The following SNRNP200 variants were observed in gnomAD, a reference collection of about 807,000 sequenced individuals.
SNRNP200 encodes the protein small nuclear ribonucleoprotein U5 subunit 200.
A neutral mutation model predicts 255.2 loss-of-function variants in SNRNP200; 66 were observed. The ratio of observed to expected loss-of-function variants is 0.26; its 90% confidence interval spans 0.21 to 0.32. SNRNP200 has a LOEUF of 0.32. SNRNP200 is among the 10% of genes least tolerant of loss of function. The probability of loss-of-function intolerance (pLI) is 1.00; values close to 1 mark genes in which losing one functional copy is unlikely to be tolerated. For missense variants in SNRNP200, 1,585 were observed against 2,749.8 expected (o/e 0.58, Z 9.47); for synonymous variants, 939 against 1,027.8 (o/e 0.91, Z 1.65).
At position 96,290,117 on chromosome 2, in the gene SNRNP200, G is replaced by T; in HGVS notation, c.2743-121C>A. On this transcript the variant is annotated intron_variant, in intron 20 of 44. Coordinates refer to ENST00000323853, the MANE Select transcript of SNRNP200 (RefSeq NM_014014.5). This position sits in a 1 kb window ranked among gnomAD's most constrained non-coding sequence, Gnocchi z 4.5. Reference sequence around the variant, plus strand: ...AAGGATGCATATTACATCGTATTCTGAATGTTTTTAGCATTTCATTATTAA... The same window carrying T: ...AAGGATGCATATTACATCGTATTCTTAATGTTTTTAGCATTTCATTATTAA... 1 of 1,074,086 alleles carries T rather than the reference G, an allele frequency of 9.3e-7. No homozygotes were observed. The highest frequency in any genetic ancestry group is 1.4e-6 in the Non-Finnish European group (1 of 697,744). The allele number at this position is 1,074,086 out of a possible 1,614,324, so 66.5% of individuals were successfully genotyped here.
At chr2:96,293,213 C>T (rs1451268645) in intron 15 of SNRNP200, 103 bp downstream of exon 15, 34 of 1,570,840 alleles carry the variant, frequency 2.2e-5, no homozygotes, top group Non-Finnish European at 3.0e-5. Context: ...CACATCAAAA[C>T]CCAAAGGCCC....
intron 14 of SNRNP200, among the ~76,000 whole-genome samples, chr2:96,294,369 C>T (rs953410178): frequency 1.3e-4 from 20 of 151,824 alleles, no homozygotes; most frequent in African/African-American, 4.8e-4. Context: ...ACCCGGGAGG[C>T]GGAGGCTGTA....
rs1265659721 is a variant in SNRNP200, at chr2:96,287,165, A to G, written c.3485-5T>C. 2 of 1,614,038 alleles carry G rather than the reference A, an allele frequency of 1.2e-6. No homozygotes were observed. The highest frequency in any genetic ancestry group is 1.3e-5 in the African/African-American group (1 of 74,918). ...TTGGCATGCGGATAAGCTCCCCTAC[A>G]AGGAAATGAGAGTACTGAGGCTGCA... On this transcript the variant is annotated splice_polypyrimidine_tract_variant and splice_region_variant and intron_variant, in intron 26 of 44. Coordinates refer to ENST00000323853, the MANE Select transcript of SNRNP200 (RefSeq NM_014014.5). This position sits in a 1 kb window ranked among gnomAD's most constrained non-coding sequence, Gnocchi z 5.7.
Position 96,283,620 on chromosome 2 carries a change from T to C in SNRNP200, c.4678A>G (p.Ile1560Val), listed in dbSNP as rs78715863. ...ITKHSPKKPV[I>V]VFVPSRKQTR... is the part of the protein sequence containing the mutation. ...TGCTTGCGAGACGGCACAAAGACAA[T>C]GACAGGCTTCTTGGGCGAGTGCTTG... Residue 1560 changes from isoleucine to valine, a missense_variant, in exon 33 of 45, where the codon ATT becomes GTT. By Grantham distance (29) the Ile-to-Val change is conservative. This residue lies in a region of SNRNP200 where 719 missense variants were observed against 1,091.1 expected (regional missense o/e 0.66). Coordinates refer to ENST00000323853, the MANE Select transcript of SNRNP200 (RefSeq NM_014014.5). The surrounding 1 kb of genome is among the most constrained non-coding windows in gnomAD (Gnocchi z 4.7). 48 of 1,613,956 alleles carry C rather than the reference T, an allele frequency of 3.0e-5. No homozygotes were observed. The African/African-American group carries it at 4.3e-4, about 14-fold the overall frequency.
chr2:96,298,803 T>C lies in SNRNP200; in HGVS notation c.882+12A>G, dbSNP rs764686855. The C allele has an allele frequency of 1.2e-6, 2 of 1,614,196 alleles. No individual in the cohort carries two copies. The highest frequency in any genetic ancestry group is 1.7e-6 in the Non-Finnish European group (2 of 1,180,022). On this transcript the variant is annotated intron_variant, in intron 7 of 44. Transcript: ENST00000323853. ...TACACTAAATATACAACTATTGTCA[T>C]CTTGGCCATACCTTCAAAATCTCCA...
chr2:96,283,740 C>G lies in SNRNP200; in HGVS notation c.4585-27G>C, dbSNP rs1391642015. On this transcript the variant is annotated intron_variant, in intron 32 of 44. Transcript: ENST00000323853. The surrounding 1 kb of genome is among the most constrained non-coding windows in gnomAD (Gnocchi z 4.7). ...TGGCGACCGGGGAGAAGAAAAGACACCAAGGTTATCAGACCTGGGTCACTC... is the reference window on the plus strand; with the variant it reads ...TGGCGACCGGGGAGAAGAAAAGACAGCAAGGTTATCAGACCTGGGTCACTC... The G allele has an allele frequency of 1.2e-6, 2 of 1,614,006 alleles. No homozygotes were observed. The highest frequency in any genetic ancestry group is 1.7e-6 in the Non-Finnish European group (2 of 1,180,018).
intron 5 of SNRNP200, among the ~76,000 whole-genome samples, chr2:96,300,437 T>G (rs1311270687): frequency 6.6e-6 from 1 of 152,194 alleles, no homozygotes; most frequent in East Asian, 1.9e-4. Context: ...TTTTTCTTTC[T>G]TTTTGCTGAT....
Position 96,304,934 on chromosome 2 carries a change from C to T in SNRNP200, c.46-66G>A, listed in dbSNP as rs868025271. 5 of 1,558,990 alleles carry T rather than the reference C, an allele frequency of 3.2e-6. No homozygotes were observed. The African/African-American group carries it at 5.4e-5, about 17-fold the overall frequency. Reference sequence around the variant, plus strand: ...GGGCCAATTCCTACTATCATAGTTACCCCAGCTGATGGAAAAAATCGTAGT... The same window carrying T: ...GGGCCAATTCCTACTATCATAGTTATCCCAGCTGATGGAAAAAATCGTAGT... On this transcript the variant is annotated intron_variant, in intron 1 of 44. Transcript: ENST00000323853.
In SNRNP200 at chr2:96,290,323, T is replaced by C. The variant is rs747033000; in HGVS notation, c.2742+3A>G. On this transcript the variant is annotated splice_donor_region_variant and intron_variant, in intron 20 of 44. Transcript: ENST00000323853. This position sits in a 1 kb window ranked among gnomAD's most constrained non-coding sequence, Gnocchi z 4.5. ...TGAAGCACAACAAGCAGTCCTCCCC[T>C]ACCTTGGCATTCTGGACATTTCCTA... The C allele has an allele frequency of 2.5e-5, 40 of 1,613,808 alleles. No individual in the cohort carries two copies. The highest frequency in any genetic ancestry group is 3.4e-5 in the Non-Finnish European group (40 of 1,179,970).
At chr2:96,305,016 A>G (rs2063978411) in intron 1 of SNRNP200, 148 bp from the exon 2 acceptor site, 3 of 964,036 alleles carry the variant, frequency 3.1e-6, no homozygotes, top group Admixed American at 4.0e-5. Flanking sequence ...TAAGAATTGC[A>G]TAGTATAACG....
rs769066301 is a variant in SNRNP200, at chr2:96,305,346, C to T, written c.45+47G>A. On this transcript the variant is annotated intron_variant, in intron 1 of 44. Coordinates refer to ENST00000323853, the MANE Select transcript of SNRNP200 (RefSeq NM_014014.5). ...AACTCCCTTTTTCAGCCTCCCCCTC[C>T]CCATTGGACTCCTGAGCCTGGAATC... 3.7e-6 allele frequency: 6 copies of T among 1,611,842 alleles called. No homozygotes were observed. The South Asian group carries it at 4.4e-5, about 12-fold the overall frequency.
chr2:96,297,250 G>A, intron 11 of SNRNP200, 113 bp downstream of exon 11: 1 of 1,521,282 alleles, frequency 6.6e-7, no homozygotes, highest in Non-Finnish European at 9.1e-7. Context: ...TTCTGTTGCA[G>A]CTTTCAGCCC....
intron 5 of SNRNP200, 69 bp downstream of exon 5, chr2:96,300,929 A>G: frequency 7.7e-7 from 1 of 1,304,232 alleles, no homozygotes; most frequent in South Asian, 1.2e-5. Flanking sequence ...GCTTGTTTAC[A>G]CTAGAAGGGG....
In SNRNP200 at chr2:96,286,791, C is replaced by T; in HGVS notation, c.3726G>A (p.Lys1242=). The T allele has an allele frequency of 6.2e-7, 1 of 1,614,214 alleles. No individual in the cohort carries two copies. The highest frequency in any genetic ancestry group is 8.5e-7 in the Non-Finnish European group (1 of 1,180,046). ...GGTGCTCGTCCTGGGCGTACTTGGC[C>T]TTGAGGAGAAAATACTCATGGTGCA... ...VILHHEYFLL[K]AKYAQDEHLI... The change falls in exon 28 of 45, where the codon AAG becomes AAA. Residue 1242 remains lysine (K), a synonymous_variant. Coordinates refer to ENST00000323853, the MANE Select transcript of SNRNP200 (RefSeq NM_014014.5). The surrounding 1 kb of genome is among the most constrained non-coding windows in gnomAD (Gnocchi z 4.8).
chr2:96,285,184 T>C lies in SNRNP200; in HGVS notation c.4160A>G (p.Glu1387Gly). Residue 1387 changes from glutamate to glycine, a missense_variant, in exon 30 of 45, where the codon GAG becomes GGG. Glu to Gly is a moderately conservative substitution (Grantham distance 98, BLOSUM62 -2). Around this residue, in one of 9 missense-constraint regions of SNRNP200, gnomAD observed 719 missense variants for 1,091.1 expected, o/e 0.66. Transcript: ENST00000323853. ...VYITPMEALA[E>G]QVYMDWYEKF... Reference sequence around the variant, plus strand: ...TGACACAGCGCCACGTCATACCTGCTCTGCCAGGGCCTCCATGGGGGTGAT... The same window carrying C: ...TGACACAGCGCCACGTCATACCTGCCCTGCCAGGGCCTCCATGGGGGTGAT... 2.2e-5 allele frequency: 36 copies of C among 1,614,060 alleles called. No individual in the cohort carries two copies. The highest frequency in any genetic ancestry group is 3.1e-5 in the Non-Finnish European group (36 of 1,180,014).
chr2:96,305,442 G>C lies in SNRNP200; in HGVS notation c.-5C>G. 1 of 1,614,072 alleles carries C rather than the reference G, an allele frequency of 6.2e-7. No individual in the cohort carries two copies. The highest frequency in any genetic ancestry group is 8.5e-7 in the Non-Finnish European group (1 of 1,180,034). On this transcript the variant is annotated 5_prime_UTR_variant, in exon 1 of 45. Coordinates refer to ENST00000323853, the MANE Select transcript of SNRNP200 (RefSeq NM_014014.5). ...ACGGGCGGTTACATCCGCCATGGCCGCGGCTGCTCGGAGGCTTCAGACCAC... is the reference window on the plus strand; with the variant it reads ...ACGGGCGGTTACATCCGCCATGGCCCCGGCTGCTCGGAGGCTTCAGACCAC...
Position 96,277,474 on chromosome 2 carries a change from C to A in SNRNP200, c.5931+65G>T. ...ACTGAGACTCACCTCCCGCAACCCA[C>A]GCTCGGTCCACAACACTGGGCTCTC... is the stretch of plus-strand genomic sequence containing the variant. On this transcript the variant is annotated intron_variant, in intron 41 of 44. Coordinates refer to ENST00000323853, the MANE Select transcript of SNRNP200 (RefSeq NM_014014.5). The surrounding 1 kb of genome is among the most constrained non-coding windows in gnomAD (Gnocchi z 4.4). The A allele has an allele frequency of 1.3e-6, 2 of 1,588,660 alleles. No homozygotes were observed. The highest frequency in any genetic ancestry group is 1.7e-6 in the Non-Finnish European group (2 of 1,159,358).
chr2:96,287,186 C>A lies in SNRNP200; in HGVS notation c.3485-26G>T, dbSNP rs772520687. ...CTACAAGGAAATGAGAGTACTGAGG[C>A]TGCAGCCCAGCCTGCCTACTATACT... On this transcript the variant is annotated intron_variant, in intron 26 of 44. Transcript: ENST00000323853. The surrounding 1 kb of genome is among the most constrained non-coding windows in gnomAD (Gnocchi z 5.7). The A allele has an allele frequency of 6.2e-7, 1 of 1,614,004 alleles. No individual in the cohort carries two copies. Among genetic ancestry groups the A allele is most frequent in the East Asian group, 2.2e-5 (1 of 44,896 alleles).
In SNRNP200 at chr2:96,297,706, C is replaced by T. The variant is rs1375081627; in HGVS notation, c.1134G>A (p.Arg378=). ...KEDLIREERS[R]RERVRQSRMD... is the part of the protein sequence containing the mutation. The stretch of plus-strand genomic sequence containing the variant: ...TTCGAGACTGACGCACTCGCTCTCT[C>T]CGGGACCTTTCCTCCTGTAGTGGAC... The change falls in exon 10 of 45, where the codon CGG becomes CGA. Residue 378 remains arginine (R), a synonymous_variant. Transcript: ENST00000323853. 3 of 1,614,232 alleles carry T rather than the reference C, an allele frequency of 1.9e-6. No homozygotes were observed. In the South Asian group the frequency reaches 3.3e-5, roughly 18 times the overall value.
Sources: gnomAD v4.1 joint callset for allele counts (sites outside exome capture counted in the v4.1 genomes callset) on GRCh38, gnomAD v4.1.1 for gene constraint, gnomAD v4.1.1 regional missense constraint, Gnocchi (gnomAD v3.1) non-coding constraint, MANE v1.5 for transcripts, NCBI Gene and HGNC (gene_info 2026-07-23, HGNC 2026-07-21) for gene names.